The following TMEM131L variants were observed in gnomAD, a reference collection of about 807,000 sequenced individuals.
TMEM131L encodes transmembrane protein 131-like.
In TMEM131L, 54 loss-of-function variants were observed where a neutral mutation model predicts 192.2. The observed-to-expected ratio is 0.28, with a 90% CI of 0.23 to 0.35. TMEM131L has a LOEUF of 0.35. Ranked by LOEUF, TMEM131L falls within the 10% of genes least tolerant of loss-of-function variation. The pLI is 1.00. For synonymous variants in TMEM131L, 701 were observed against 704.9 expected, an observed-to-expected ratio of 0.99 and a Z score of 0.09; for missense variants, 1,888 against 1,972.9, an observed-to-expected ratio of 0.96 and a Z score of 0.82.
At chr4:153,513,420 G>C (rs923792735) in intron 3 of TMEM131L, among the ~76,000 whole-genome samples, 3 of 152,170 alleles carry the variant, frequency 2.0e-5, no homozygotes, top group South Asian at 2.1e-4. Context: ...ACTGAAGACT[G>C]AACTGGGGCA....
At chr4:153,515,542 G>A (rs1441106322) in intron 3 of TMEM131L, among the ~76,000 whole-genome samples, 2 of 152,188 alleles carry the variant, frequency 1.3e-5, no homozygotes, top group African/African-American at 4.8e-5. Flanking sequence ...GAACATTTGT[G>A]TGCAAGTGTT....
chr4:153,625,753 C>T (rs1238884499), intron 29 of TMEM131L, among the ~76,000 whole-genome samples: 1 of 151,908 alleles, frequency 6.6e-6, no homozygotes, highest in Non-Finnish European at 1.5e-5. Flanking sequence ...ACTAAAAATA[C>T]AAAAATTAGC....
At chr4:153,574,330 G>A (rs1298171612) in intron 7 of TMEM131L, among the ~76,000 whole-genome samples, 1 of 151,866 alleles carries the variant, frequency 6.6e-6, no homozygotes, top group Non-Finnish European at 1.5e-5. Flanking sequence ...GGTGGTGGTG[G>A]GGGTTGAAAC....
At chr4:153,553,213 A>G (rs1381471347) in intron 4 of TMEM131L, among the ~76,000 whole-genome samples, 1 of 152,130 alleles carries the variant, frequency 6.6e-6, no homozygotes, top group Admixed American at 6.5e-5. Flanking sequence ...TGAGTTTTAT[A>G]TCAGTCCAGT....
chr4:153,618,358 T>C (rs1347726803), intron 26 of TMEM131L, among the ~76,000 whole-genome samples: 1 of 151,410 alleles, frequency 6.6e-6, no homozygotes, highest in Non-Finnish European at 1.5e-5. Context: ...TTGCCTGTAG[T>C]GTCAGCTACT....
intron 3 of TMEM131L, among the ~76,000 whole-genome samples, chr4:153,507,765 G>C (rs145375131): frequency 1.3e-5 from 2 of 152,112 alleles, no homozygotes; most frequent in Non-Finnish European, 2.9e-5. Flanking sequence ...TGGTGTGGGT[G>C]ATTTCAGAGG....
At chr4:153,496,868 T>G (rs538320841) in intron 3 of TMEM131L, among the ~76,000 whole-genome samples, 17 of 151,782 alleles carry the variant, frequency 1.1e-4, no homozygotes, top group East Asian at 1.9e-4. Context: ...GACTTTTTTT[T>G]TTTTGTTTTT....
intron 3 of TMEM131L, among the ~76,000 whole-genome samples, chr4:153,545,290 CTTTTT>C (rs59852943): frequency 1.5e-5 from 2 of 132,326 alleles, no homozygotes. Flanking sequence ...CTTTTTCAAA[CTTTTT>C]TTTTTTTTTT....
At chr4:153,556,405 T>G (rs1311917494) in intron 5 of TMEM131L, among the ~76,000 whole-genome samples, 1 of 152,194 alleles carries the variant, frequency 6.6e-6, no homozygotes, top group African/African-American at 2.4e-5. Context: ...TCAAACTTAG[T>G]CTTCTAATAG....
At chr4:153,532,629 T>A (rs565521217) in intron 3 of TMEM131L, among the ~76,000 whole-genome samples, 2 of 152,278 alleles carry the variant, frequency 1.3e-5, no homozygotes, top group South Asian at 4.1e-4. Context: ...GAAAATGTAG[T>A]TTGTACTTTT....
chr4:153,625,637 C>T (rs932062799), intron 29 of TMEM131L, among the ~76,000 whole-genome samples: 1 of 151,966 alleles, frequency 6.6e-6, no homozygotes, highest in African/African-American at 2.4e-5. Context: ...TACATATACA[C>T]ACACATAAAG....
At chr4:153,628,979 C>T (rs941208465) in intron 31 of TMEM131L, among the ~76,000 whole-genome samples, 2 of 152,136 alleles carry the variant, frequency 1.3e-5, no homozygotes, top group African/African-American at 2.4e-5. Flanking sequence ...CCCTCACAGC[C>T]GTGTTTTCCT....
At chr4:153,503,859 C>T (rs544369291) in intron 3 of TMEM131L, among the ~76,000 whole-genome samples, 1 of 152,268 alleles carries the variant, frequency 6.6e-6, no homozygotes, top group South Asian at 2.1e-4. Context: ...AGAAACAATT[C>T]TTTAATAAGG....
At chr4:153,610,842 C>T (rs536216513) in intron 25 of TMEM131L, among the ~76,000 whole-genome samples, 30 of 152,248 alleles carry the variant, frequency 2.0e-4, no homozygotes, top group African/African-American at 7.0e-4. Flanking sequence ...CCTACCAGAG[C>T]CTGCAGTCTG....
Position 153,636,628 on chromosome 4 carries a change from CTAGTG to C in TMEM131L, c.*55_*59del, listed in dbSNP as rs1734601116. On this transcript the variant is annotated 3_prime_UTR_variant, in exon 35 of 35. Transcript: ENST00000409959. ...AATAAAGAGGCTTGTGTTTTGATTA[CTAGTG>C]TAAACTGGTTATTGAGATAGATTAT... 1 of 1,526,748 alleles carries C rather than the reference CTAGTG, an allele frequency of 6.5e-7. No individual in the cohort carries two copies. The highest frequency in any genetic ancestry group is 1.4e-5 in the African/African-American group (1 of 72,646). The allele number at this position is 1,526,748 out of a possible 1,614,324, so 94.6% of individuals were successfully genotyped here. A position where few individuals can be genotyped will look rare whatever the true frequency, so the allele number is the denominator to read the frequency against.
rs116027611 is a variant in TMEM131L, at chr4:153,542,009, C to T, written c.240-8064C>T. Among the ~76,000 whole-genome samples, 1,091 of 152,300 alleles carry T rather than the reference C, an allele frequency of 7.2e-3. 12 individuals carry two copies. The highest frequency in any genetic ancestry group is 0.025 in the African/African-American group (1,051 of 41,556). ...CAGCTGTTAGTGGGGCTAGGTAAAA[C>T]TAGTATCTGGCCCTTTCCGAATCCA... is the stretch of plus-strand genomic sequence containing the variant. On this transcript the variant is annotated intron_variant, in intron 3 of 34. Transcript: ENST00000409959.
At chr4:153,553,814 A>G (rs73856915) in intron 4 of TMEM131L, among the ~76,000 whole-genome samples, 1,539 of 152,334 alleles carry the variant, frequency 0.01, 28 homozygotes, top group African/African-American at 0.035. Context: ...AGAGATTTTA[A>G]TCATTCTTTT....
intron 3 of TMEM131L, among the ~76,000 whole-genome samples, chr4:153,526,235 A>G (rs540988732): frequency 2.0e-5 from 3 of 152,316 alleles, no homozygotes; most frequent in South Asian, 4.1e-4. Context: ...TAGCAAGGGC[A>G]TAAAGTTTGT....
intron 31 of TMEM131L, 107 bp downstream of exon 31, chr4:153,627,794 A>T: frequency 1.2e-6 from 1 of 820,256 alleles, no homozygotes; most frequent in African/African-American, 1.7e-5. Flanking sequence ...GGACAGGGCC[A>T]TTTCCCCACC....
Sources: gnomAD v4.1 joint callset for allele counts (sites outside exome capture counted in the v4.1 genomes callset) on GRCh38, gnomAD v4.1.1 for gene constraint, MANE v1.5 for transcripts, NCBI Gene and HGNC (gene_info 2026-07-23, HGNC 2026-07-21) for gene names.